Variants in PDZRN4 observed in about 807,000 individuals in gnomAD.
PDZRN4 encodes the protein PDZ domain-containing RING finger protein 4.
PDZRN4 carries 70 observed loss-of-function variants against 99.0 expected under a neutral mutation model. The ratio of observed to expected loss-of-function variants is 0.71; its 90% CI spans 0.58 to 0.86. PDZRN4 has a LOEUF of 0.86. Among genes scored for constraint, PDZRN4 ranks in the 40% least tolerant of loss-of-function variants. The pLI is 0.00. For missense variants in PDZRN4, 1,474 were observed against 1,331.2 expected (o/e 1.11, Z -1.67); for synonymous variants, 551 against 501.6 (o/e 1.10, Z -1.32).
intron 3 of PDZRN4, among the ~76,000 whole-genome samples, chr12:41,228,960 G>T (rs751016577): frequency 1.3e-5 from 2 of 151,856 alleles, no homozygotes; most frequent in East Asian, 2.0e-4. Context: ...GGGATTTAAC[G>T]CTTAGATTCT....
chr12:41,431,678 C>G (rs962641234), intron 3 of PDZRN4, among the ~76,000 whole-genome samples: 2 of 152,166 alleles, frequency 1.3e-5, no homozygotes, highest in East Asian at 3.8e-4. Context: ...GGAGTCTAGT[C>G]TAATAATGTT....
chr12:41,241,846 ATAGTGTT>A (rs552811830), intron 3 of PDZRN4, among the ~76,000 whole-genome samples: 77 of 152,344 alleles, frequency 5.1e-4, no homozygotes, highest in African/African-American at 1.7e-3. Flanking sequence ...TCACAACTCC[ATAGTGTT>A]TAGTTGAGCT....
At chr12:41,270,314 G>A (rs1180619474) in intron 3 of PDZRN4, among the ~76,000 whole-genome samples, 1 of 133,180 alleles carries the variant, frequency 7.5e-6, no homozygotes, top group African/African-American at 2.8e-5. Context: ...TGTGTGTGGT[G>A]TGTGTGTGTG....
intron 3 of PDZRN4, among the ~76,000 whole-genome samples, chr12:41,345,710 C>T (rs562470534): frequency 3.3e-5 from 5 of 152,174 alleles, no homozygotes; most frequent in Non-Finnish European, 5.9e-5. Context: ...GGAAGCACAG[C>T]GTGGGGATGC....
intron 3 of PDZRN4, among the ~76,000 whole-genome samples, chr12:41,218,024 A>G (rs1276093488): frequency 6.6e-6 from 1 of 152,112 alleles, no homozygotes. Context: ...TCATTCACTG[A>G]ACTGAAACTT....
chr12:41,451,175 A>T (rs1592064280), intron 3 of PDZRN4, among the ~76,000 whole-genome samples: 1 of 8,704 alleles, frequency 1.1e-4, no homozygotes, highest in Admixed American at 1.4e-3. Flanking sequence ...ATTTAGATTT[A>T]AAAAAAAAAA....
chr12:41,265,377 T>A (rs1462383574), intron 3 of PDZRN4, among the ~76,000 whole-genome samples: 1 of 152,160 alleles, frequency 6.6e-6, no homozygotes, highest in African/African-American at 2.4e-5. Flanking sequence ...TAACATAGAT[T>A]TAAAGTTTTA....
intron 3 of PDZRN4, among the ~76,000 whole-genome samples, chr12:41,349,500 A>G (rs1358794509): frequency 6.6e-6 from 1 of 151,964 alleles, no homozygotes; most frequent in Non-Finnish European, 1.5e-5. Context: ...TCTCCATTAT[A>G]AAATAGGTTA....
intron 3 of PDZRN4, among the ~76,000 whole-genome samples, chr12:41,314,437 T>A (rs1447710165): frequency 3.3e-5 from 5 of 152,128 alleles, no homozygotes; most frequent in Admixed American, 6.5e-5. Context: ...ACTTTGAAAA[T>A]TACAATACAC....
At chr12:41,253,692 A>G (rs1443342962) in intron 3 of PDZRN4, among the ~76,000 whole-genome samples, 4 of 152,230 alleles carry the variant, frequency 2.6e-5, no homozygotes, top group Admixed American at 2.6e-4. Context: ...CTGCACTCCC[A>G]TATTTATCAC....
At chr12:41,227,135 G>A (rs949777246) in intron 3 of PDZRN4, among the ~76,000 whole-genome samples, 25 of 152,210 alleles carry the variant, frequency 1.6e-4, no homozygotes, top group African/African-American at 5.8e-4. Context: ...ATTTTTTACA[G>A]ATAGTAAGTA....
intron 3 of PDZRN4, among the ~76,000 whole-genome samples, chr12:41,326,795 A>G (rs1407238259): frequency 6.6e-6 from 1 of 152,240 alleles, no homozygotes; most frequent in Non-Finnish European, 1.5e-5. Flanking sequence ...AACAGTTCCC[A>G]CAAGAGCAGA....
At chr12:41,270,052 G>C (rs1951303675) in intron 3 of PDZRN4, among the ~76,000 whole-genome samples, 1 of 152,140 alleles carries the variant, frequency 6.6e-6, no homozygotes, top group Admixed American at 6.6e-5. Context: ...AAAGTGGACT[G>C]AGTTAGTAGT....
chr12:41,287,760 C>T (rs1951430728), intron 3 of PDZRN4, among the ~76,000 whole-genome samples: 1 of 152,180 alleles, frequency 6.6e-6, no homozygotes, highest in South Asian at 2.1e-4. Flanking sequence ...ACTTGAGGAT[C>T]TGCAGTTTGG....
At chr12:41,305,391 G>A (rs1386511547) in intron 3 of PDZRN4, among the ~76,000 whole-genome samples, 1 of 152,152 alleles carries the variant, frequency 6.6e-6, no homozygotes, top group Non-Finnish European at 1.5e-5. Context: ...GTACTATTAA[G>A]TGTTAGTTAT....
intron 3 of PDZRN4, among the ~76,000 whole-genome samples, chr12:41,352,093 G>A (rs931421953): frequency 6.6e-5 from 10 of 151,944 alleles, no homozygotes; most frequent in African/African-American, 2.2e-4. Context: ...AAAAAGTGGG[G>A]ATGTATTGGA....
chr12:41,227,620 A>T lies in PDZRN4; in HGVS notation c.843+33432A>T, dbSNP rs538464176. ...GTGGAGGTTGCAGTGTGTTAAGATC[A>T]TGCCTTTGCACTCCATCCTTGACAA... On this transcript the variant is annotated intron_variant, in intron 3 of 9. Coordinates refer to ENST00000402685, the MANE Select transcript of PDZRN4 (RefSeq NM_001164595.2). 2.0e-5 allele frequency among the ~76,000 whole-genome samples: 3 copies of T among 152,128 alleles called. No individual in the cohort carries two copies. In the East Asian group the frequency reaches 5.8e-4, roughly 29 times the overall value.
intron 3 of PDZRN4, chr12:41,413,201 T>G (rs957902720): frequency 6.6e-6 from 1 of 151,888 alleles, no homozygotes; most frequent in Non-Finnish European, 1.5e-5. Flanking sequence ...AAGAACAAAA[T>G]CTTGTCATTC....
At chr12:41,273,438 A>G (rs1951328841) in intron 3 of PDZRN4, among the ~76,000 whole-genome samples, 1 of 152,100 alleles carries the variant, frequency 6.6e-6, no homozygotes, top group African/African-American at 2.4e-5. Flanking sequence ...TATTCTGAAA[A>G]GAAGAAACAG....
Sources: allele counts gnomAD v4.1 joint callset (sites outside exome capture counted in the v4.1 genomes callset), GRCh38; gene constraint gnomAD v4.1.1; transcripts MANE v1.5; gene names NCBI Gene and HGNC (gene_info 2026-07-23, HGNC 2026-07-21).